Variants in PFDN4 observed in about 807,000 individuals in gnomAD.
PFDN4 encodes prefoldin subunit 4, also known as prefoldin 4.
PFDN4 carries 6 observed loss-of-function variants against 17.6 expected under a neutral mutation model. That is an observed-to-expected ratio of 0.34 (90% confidence interval 0.19 to 0.67). The LOEUF (loss-of-function observed/expected upper bound fraction) is 0.67. PFDN4 is among the 30% of genes least tolerant of loss of function. PFDN4 has a pLI of 0.68. For synonymous variants in PFDN4, 48 were observed against 51.1 expected (o/e 0.94, Z 0.26); for missense variants, 119 against 158.4 (o/e 0.75, Z 1.33).
intron 1 of PFDN4, 151 bp from the exon 2 acceptor site, chr20:54,214,200 C>A (rs1342910528): frequency 3.7e-6 from 2 of 539,788 alleles, no homozygotes; most frequent in African/African-American, 2.0e-5. Context: ...GCTTGTGGAG[C>A]AAAAAATAAG....
Position 54,208,135 on chromosome 20 carries a change from A to T in PFDN4, c.24+11A>T. ...ACCATGAAGAAGGCGGTGAGTGGGG[A>T]GCTCGGGGCTCTGGATGCTCGGGCG... On this transcript the variant is annotated intron_variant, in intron 1 of 3. Coordinates refer to ENST00000371419, the MANE Select transcript of PFDN4 (RefSeq NM_002623.4). 6.5e-7 allele frequency: 1 copy of T among 1,549,672 alleles called. No individual in the cohort carries two copies. The highest frequency in any genetic ancestry group is 1.2e-5 in the South Asian group (1 of 84,338).
intron 1 of PFDN4, among the ~76,000 whole-genome samples, chr20:54,210,880 T>C (rs1406430494): frequency 6.6e-6 from 1 of 152,178 alleles, no homozygotes; most frequent in Non-Finnish European, 1.5e-5. Context: ...GCATGGCGTA[T>C]AGGAAACAGT....
chr20:54,217,702 T>C (rs2092764470), intron 3 of PFDN4, among the ~76,000 whole-genome samples: 1 of 152,176 alleles, frequency 6.6e-6, no homozygotes, highest in African/African-American at 2.4e-5. Flanking sequence ...AGAGAGATGA[T>C]TGGACTTGCG....
At chr20:54,218,176 CTTTTT>C (rs11365330) in intron 3 of PFDN4, among the ~76,000 whole-genome samples, 1 of 129,264 alleles carries the variant, frequency 7.7e-6, no homozygotes, top group Non-Finnish European at 1.7e-5. Flanking sequence ...AACTTAATGG[CTTTTT>C]TTTTTTTTTT....
intron 1 of PFDN4, 124 bp downstream of exon 1, chr20:54,208,248 G>A: frequency 2.3e-6 from 2 of 861,480 alleles, no homozygotes; most frequent in South Asian, 2.0e-5. Flanking sequence ...GGCCGAGGCC[G>A]AGGCCCTGAG....
chr20:54,219,867 G>T lies in PFDN4; in HGVS notation c.*717G>T, dbSNP rs940174012. Reference sequence around the variant, plus strand: ...TTTTAGTGCTTTGTAATTAATTGGGGTTTATATTGATAAAGATGTGGAAGT... The same window carrying T: ...TTTTAGTGCTTTGTAATTAATTGGGTTTTATATTGATAAAGATGTGGAAGT... On this transcript the variant is annotated 3_prime_UTR_variant, in exon 4 of 4. Coordinates refer to ENST00000371419, the MANE Select transcript of PFDN4 (RefSeq NM_002623.4). 3 of 395,572 alleles carry T rather than the reference G, an allele frequency of 7.6e-6. No individual in the cohort carries two copies. Among genetic ancestry groups the T allele is most frequent in the Middle Eastern group, 6.3e-4 (1 of 1,594 alleles). 24.5% of individuals were successfully genotyped at this position (395,572 alleles called of 1,614,324 possible).
At chr20:54,213,079 A>G (rs894990443) in intron 1 of PFDN4, among the ~76,000 whole-genome samples, 1 of 152,234 alleles carries the variant, frequency 6.6e-6, no homozygotes, top group Admixed American at 6.5e-5. Context: ...ACCTCTGAGA[A>G]ATAAAAGTTC....
chr20:54,219,082 G>A lies in PFDN4; in HGVS notation c.337G>A (p.Ala113Thr), dbSNP rs753672529. ...SRVESIQRVL[A>T]DLKVQLYAKF... ...AGTGGAATCAATTCAGCGAGTGTTA[G>A]CAGATTTGAAAGTTCAGTTGTATGC... Residue 113 changes from alanine to threonine, a missense_variant, in exon 4 of 4, where the codon GCA becomes ACA. By Grantham distance (58) the Ala-to-Thr change is moderately conservative. Coordinates refer to ENST00000371419, the MANE Select transcript of PFDN4 (RefSeq NM_002623.4). The A allele has an allele frequency of 3.1e-6, 5 of 1,595,972 alleles. No homozygotes were observed. In the South Asian group the frequency reaches 4.5e-5, roughly 14 times the overall value.
At chr20:54,208,178 C>T in intron 1 of PFDN4, 54 bp downstream of exon 1, 2 of 1,481,016 alleles carry the variant, frequency 1.4e-6, no homozygotes, top group East Asian at 2.8e-5. Context: ...ATCTCGGCCG[C>T]TGGGGCCCGG....
Position 54,219,448 on chromosome 20 carries a change from T to G in PFDN4, c.*298T>G, listed in dbSNP as rs1042260880. The G allele has an allele frequency of 8.1e-6, 3 of 368,326 alleles. No individual in the cohort carries two copies. The highest frequency in any genetic ancestry group is 4.0e-5 in the East Asian group (1 of 24,796). 22.8% of individuals were successfully genotyped at this position (368,326 alleles called of 1,614,324 possible). On this transcript the variant is annotated 3_prime_UTR_variant, in exon 4 of 4. Coordinates refer to ENST00000371419, the MANE Select transcript of PFDN4 (RefSeq NM_002623.4). ...CTATATTATTTAGAATATTTGTTGT[T>G]GCAATTTTCACATAAGAAAATTTAA...
Position 54,214,335 on chromosome 20 carries a change from T to TA in PFDN4, c.25-13dup, listed in dbSNP as rs1183368646. 13 of 1,441,798 alleles carry TA rather than the reference T, an allele frequency of 9.0e-6. No homozygotes were observed. Among genetic ancestry groups the TA allele is most frequent in the Non-Finnish European group, 1.2e-5 (13 of 1,042,380 alleles). 89.3% of individuals were successfully genotyped at this position (1,441,798 alleles called of 1,614,324 possible). ...TCTCCGTTAAAATTTTACAAAAACT[T>TA]AAACACTTCTTTCAGGCTGCAGAAG... On this transcript the variant is annotated splice_polypyrimidine_tract_variant and intron_variant, in intron 1 of 3. Coordinates refer to ENST00000371419, the MANE Select transcript of PFDN4 (RefSeq NM_002623.4).
intron 3 of PFDN4, among the ~76,000 whole-genome samples, chr20:54,215,974 G>A (rs2092761921): frequency 6.6e-6 from 1 of 152,126 alleles, no homozygotes; most frequent in African/African-American, 2.4e-5. Context: ...TGGCACACAG[G>A]CCTTTAAAAA....
intron 3 of PFDN4, 36 bp downstream of exon 3, chr20:54,215,476 A>G (rs749082613): frequency 2.2e-6 from 3 of 1,366,796 alleles, no homozygotes; most frequent in South Asian, 1.3e-5. Flanking sequence ...TAGAATTTAT[A>G]TCACTATAAA....
chr20:54,208,205 G>C, intron 1 of PFDN4, 81 bp downstream of exon 1: 1 of 1,315,734 alleles, frequency 7.6e-7, no homozygotes, highest in Middle Eastern at 2.4e-4. Flanking sequence ...GATGCTGGGG[G>C]TGCGCAGCTC....
intron 1 of PFDN4, among the ~76,000 whole-genome samples, chr20:54,212,959 GGT>G (rs1227273698): frequency 6.6e-6 from 1 of 152,248 alleles, no homozygotes; most frequent in African/African-American, 2.4e-5. Flanking sequence ...GGGTTGTTGA[GGT>G]GGGGCATAAT....
intron 1 of PFDN4, 166 bp downstream of exon 1, chr20:54,208,290 G>A (rs1230936657): frequency 5.4e-6 from 3 of 559,694 alleles, no homozygotes; most frequent in Non-Finnish European, 8.5e-6. Context: ...GCTCGCGCCT[G>A]GCGCCCTGAG....
rs193031375 is a variant in PFDN4 at position 54,218,003 on chromosome 20, C to T, written c.274-1016C>T. 2.4e-3 allele frequency among the ~76,000 whole-genome samples: 358 copies of T among 152,206 alleles called. 6 individuals carry two copies. Among genetic ancestry groups the T allele is most frequent in the African/African-American group, 7.9e-3 (330 of 41,522 alleles). ...GTGATTTTGTCCCTGACACTGGTCT[C>T]GGGGCCACCGTTTGAGAACCATTGG... On this transcript the variant is annotated intron_variant, in intron 3 of 3. Transcript: ENST00000371419.
intron 3 of PFDN4, among the ~76,000 whole-genome samples, chr20:54,217,416 C>G (rs973649930): frequency 6.6e-5 from 10 of 152,164 alleles, no homozygotes; most frequent in Non-Finnish European, 1.3e-4. Context: ...GTGGCCACAT[C>G]TTGGAGAACT....
At position 54,219,945 on chromosome 20, in the gene PFDN4, T is replaced by G. The variant is rs2146545018; in HGVS notation, c.*795T>G. On this transcript the variant is annotated 3_prime_UTR_variant, in exon 4 of 4. Transcript: ENST00000371419. ...CTTATTTCTTAAATAAAGGATGCAT[T>G]TCTTCCCACTCCCCCACAAAAGACA... The G allele has an allele frequency of 2.6e-6, 1 of 385,004 alleles. No homozygotes were observed. The highest frequency in any genetic ancestry group is 3.7e-5 in the East Asian group (1 of 27,088). The allele number at this position is 385,004 out of a possible 1,614,324, so 23.8% of individuals were successfully genotyped here. A position where few individuals can be genotyped will look rare whatever the true frequency, so the allele number is the denominator to read the frequency against.
Sources: gnomAD v4.1 joint callset for allele counts (sites outside exome capture counted in the v4.1 genomes callset) on GRCh38, gnomAD v4.1.1 for gene constraint, MANE v1.5 for transcripts, NCBI Gene and HGNC (gene_info 2026-07-23, HGNC 2026-07-21) for gene names.